PLAGL2: variants seen among roughly 807,000 people sequenced by gnomAD.
PLAGL2 encodes the protein zinc finger protein PLAGL2.
A neutral mutation model predicts 29.0 loss-of-function variants in PLAGL2; 7 were observed. That is an observed-to-expected ratio of 0.24 (90% CI 0.14 to 0.45). The LOEUF is 0.45. Ranked by LOEUF, PLAGL2 falls within the 20% of genes least tolerant of loss-of-function variation. The pLI is 0.99. For missense variants in PLAGL2, 454 were observed against 648.2 expected (o/e 0.70, Z 3.25); for synonymous variants, 234 against 266.0 (o/e 0.88, Z 1.17).
chr20:32,206,997 G>A, intron 1 of PLAGL2, among the ~76,000 whole-genome samples: 1 of 152,126 alleles, frequency 6.6e-6, no homozygotes, highest in Non-Finnish European at 1.5e-5. Flanking sequence ...AGGCTGGGGG[G>A]ATGGGGATAG....
Position 32,196,974 on chromosome 20 carries a change from C to T in PLAGL2, c.969G>A (p.Met323Ile), listed in dbSNP as rs2047232735. The change falls in exon 3 of 3, where the codon ATG becomes ATA. Residue 323 changes from methionine to isoleucine, a missense_variant. By Grantham distance (10) the Met-to-Ile change is conservative. This residue lies in a region of PLAGL2 where 247 missense variants were observed against 350.3 expected (regional missense o/e 0.71). Transcript: ENST00000246229. ...TAGGTGAGGATTCCAGAGGGTAGCT[C>T]ATACCCATGGGCAGCGTGTTGTGCA... The part of the protein sequence containing the change: ...SLVHNTLPMG[M>I]SYPLESSPIS... The T allele has an allele frequency of 1.9e-6, 3 of 1,614,222 alleles. No homozygotes were observed. The highest frequency in any genetic ancestry group is 2.5e-6 in the Non-Finnish European group (3 of 1,180,024).
In PLAGL2 at chr20:32,197,754, A is replaced by G; in HGVS notation, c.261-72T>C. ...ATCACAAGGGATGACTGGACAACCAAAGGTGTCCATTAACAGGAAACTAGA... is the reference window on the plus strand; with the variant it reads ...ATCACAAGGGATGACTGGACAACCAGAGGTGTCCATTAACAGGAAACTAGA... On this transcript the variant is annotated intron_variant, in intron 2 of 2. Coordinates refer to ENST00000246229, the MANE Select transcript of PLAGL2 (RefSeq NM_002657.3). This position sits in a 1 kb window ranked among gnomAD's most constrained non-coding sequence, Gnocchi z 6.6. The G allele has an allele frequency of 2.4e-6, 3 of 1,270,268 alleles. No homozygotes were observed. Among genetic ancestry groups the G allele is most frequent in the Non-Finnish European group, 3.3e-6 (3 of 899,130 alleles). The allele number at this position is 1,270,268 out of a possible 1,614,324, so 78.7% of individuals were successfully genotyped here.
chr20:32,207,312 G>A (rs1192421747), intron 1 of PLAGL2, among the ~76,000 whole-genome samples: 1 of 152,128 alleles, frequency 6.6e-6, no homozygotes, highest in African/African-American at 2.4e-5. Context: ...GGTAAGGTCA[G>A]CAGCGCCTTA....
At chr20:32,204,412 G>A (rs1348339520) in intron 1 of PLAGL2, among the ~76,000 whole-genome samples, 1 of 152,218 alleles carries the variant, frequency 6.6e-6, no homozygotes, top group Non-Finnish European at 1.5e-5. Context: ...TACTGAAAGA[G>A]TGAGTAATGG....
intron 1 of PLAGL2, among the ~76,000 whole-genome samples, chr20:32,203,072 T>C (rs531106124): frequency 2.6e-5 from 4 of 152,188 alleles, no homozygotes; most frequent in Non-Finnish European, 4.4e-5. Flanking sequence ...AGAGTACATA[T>C]GCACATCTCC....
chr20:32,196,095 G>C lies in PLAGL2; in HGVS notation c.*357C>G, dbSNP rs183165940. 2 of 166,392 alleles carry C rather than the reference G, an allele frequency of 1.2e-5. No homozygotes were observed. The highest frequency in any genetic ancestry group is 6.4e-5 in the Admixed American group (1 of 15,688). 10.3% of individuals were successfully genotyped at this position (166,392 alleles called of 1,614,324 possible). A position where few individuals can be genotyped will look rare whatever the true frequency, so the allele number is the denominator to read the frequency against. ...GCAATTTCTCTAGAGGTCATCCAAG[G>C]TGAAACCCTCTGTGTCTCCAAGAGG... On this transcript the variant is annotated 3_prime_UTR_variant, in exon 3 of 3. Transcript: ENST00000246229.
chr20:32,202,335 G>A, intron 1 of PLAGL2, 43 bp from the exon 2 acceptor site: 1 of 664,016 alleles, frequency 1.5e-6, no homozygotes, highest in Admixed American at 2.9e-5. Flanking sequence ...CCAATACCAT[G>A]AGAACATGGG....
chr20:32,206,143 CAA>C (rs2047285773), intron 1 of PLAGL2, among the ~76,000 whole-genome samples: 1 of 152,036 alleles, frequency 6.6e-6, no homozygotes, highest in Non-Finnish European at 1.5e-5. Flanking sequence ...AAAAACAAAA[CAA>C]AACAAAACAA....
chr20:32,203,431 T>G (rs2047269728), intron 1 of PLAGL2, among the ~76,000 whole-genome samples: 1 of 152,214 alleles, frequency 6.6e-6, no homozygotes, highest in Non-Finnish European at 1.5e-5. Context: ...GTTACCACAC[T>G]GACTCTCAAA....
chr20:32,201,202 T>C (rs1239313027), intron 2 of PLAGL2, among the ~76,000 whole-genome samples: 1 of 152,168 alleles, frequency 6.6e-6, no homozygotes, highest in African/African-American at 2.4e-5. Flanking sequence ...AAGGTCTACT[T>C]TTCCTTCTAA....
chr20:32,196,340 T>A lies in PLAGL2; in HGVS notation c.*112A>T. The stretch of plus-strand genomic sequence containing the variant: ...TCCTGTATACAGACACTGGAATTTT[T>A]TTTTTTGAACCCAGCTCTGAAAGCT... On this transcript the variant is annotated 3_prime_UTR_variant, in exon 3 of 3. Transcript: ENST00000246229. 1 of 789,832 alleles carries A rather than the reference T, an allele frequency of 1.3e-6. No homozygotes were observed. The allele number at this position is 789,832 out of a possible 1,614,324, so 48.9% of individuals were successfully genotyped here.
In PLAGL2 at chr20:32,196,763, C is replaced by T. The variant is rs781374748; in HGVS notation, c.1180G>A (p.Ala394Thr). 12 of 1,601,790 alleles carry T rather than the reference C, an allele frequency of 7.5e-6. No homozygotes were observed. Among genetic ancestry groups the T allele is most frequent in the Admixed American group, 1.7e-5 (1 of 59,340 alleles). Residue 394 changes from alanine (A) to threonine (T), a missense_variant, in exon 3 of 3, where the codon GCA (alanine) becomes ACA (threonine). Physicochemically the swap from Ala to Thr is moderately conservative, Grantham distance 58. Around this residue, in one of 4 missense-constraint regions of PLAGL2, gnomAD observed 247 missense variants for 350.3 expected, o/e 0.71. Transcript: ENST00000246229. ...PAAAAALLDE[A>T]LLAKSPANLS... ...TTGGCGGGGCTCTTGGCAAGCAGTG[C>T]TTCATCTAGGAGGGCCGCAGCTGCC...
intron 1 of PLAGL2, among the ~76,000 whole-genome samples, chr20:32,206,258 C>G (rs2047286620): frequency 6.6e-6 from 1 of 152,206 alleles, no homozygotes; most frequent in Non-Finnish European, 1.5e-5. Context: ...GCCCCCTTCC[C>G]CCCCGCCCAC....
chr20:32,197,446 T>G lies in PLAGL2; in HGVS notation c.497A>C (p.Glu166Ala). ...GTGCTCTAGCAGGGCCTGGGTACTC[T>G]CAAAGGTCTGCAGGCACACCTTGCA... ...LSCKVCLQTF[E>A]STQALLEHLK... The change falls in exon 3 of 3, where the codon GAG (glutamate) becomes GCG (alanine). Residue 166 changes from glutamate to alanine, a missense_variant. Physicochemically the swap from Glu to Ala is moderately radical, Grantham distance 107 (BLOSUM62 -1). This residue lies in a region of PLAGL2 where 111 missense variants were observed against 173.1 expected (regional missense o/e 0.64). Transcript: ENST00000246229. The surrounding 1 kb of genome is among the most constrained non-coding windows in gnomAD (Gnocchi z 6.6). 3.7e-6 allele frequency: 6 copies of G among 1,612,806 alleles called. No individual in the cohort carries two copies. The highest frequency in any genetic ancestry group is 4.2e-6 in the Non-Finnish European group (5 of 1,179,988).
rs901958314 is a variant in PLAGL2 at position 32,195,026 on chromosome 20, T to C, written c.*1426A>G. ...GAGTCAGAAGAAAAGAACTAATCAT[T>C]TGTTGCAAGAAACCTTGCCGGATAC... On this transcript the variant is annotated 3_prime_UTR_variant, in exon 3 of 3. Coordinates refer to ENST00000246229, the MANE Select transcript of PLAGL2 (RefSeq NM_002657.3). 1.3e-5 allele frequency: 2 copies of C among 150,558 alleles called. No homozygotes were observed. The highest frequency in any genetic ancestry group is 4.9e-5 in the African/African-American group (2 of 40,592). The allele number at this position is 150,558 out of a possible 1,614,324, so 9.3% of individuals were successfully genotyped here. A position where few individuals can be genotyped will look rare whatever the true frequency, so the allele number is the denominator to read the frequency against.
At chr20:32,198,943 A>C (rs1287264282) in intron 2 of PLAGL2, among the ~76,000 whole-genome samples, 1 of 152,198 alleles carries the variant, frequency 6.6e-6, no homozygotes, top group African/African-American at 2.4e-5. Flanking sequence ...ATGGTATGGC[A>C]CTTCAGTGTC....
chr20:32,206,501 A>G lies in PLAGL2; in HGVS notation c.-115+1140T>C, dbSNP rs2047288076. Among the ~76,000 whole-genome samples, 3 of 152,164 alleles carry G rather than the reference A, an allele frequency of 2.0e-5. No individual in the cohort carries two copies. In the South Asian group the frequency reaches 6.2e-4, roughly 31 times the overall value. On this transcript the variant is annotated intron_variant, in intron 1 of 2. Transcript: ENST00000246229. ...TGAACAAATGGCTGCAACTCATCAC[A>G]ACCCCATTTTCATGGGGAGAAAACG...
At chr20:32,199,049 CCACT>C (rs1341234657) in intron 2 of PLAGL2, among the ~76,000 whole-genome samples, 1 of 152,150 alleles carries the variant, frequency 6.6e-6, no homozygotes, top group Non-Finnish European at 1.5e-5. Flanking sequence ...AACTCAGCAC[CCACT>C]GTTTGCCAGG....
At chr20:32,207,743 TG>T, upstream of PLAGL2, 1 of 439,740 alleles carries the variant, frequency 2.3e-6, no homozygotes, top group African/African-American at 2.1e-5. Flanking sequence ...CGGTGCATTG[TG>T]GGAGCCGCGC....
Sources: allele counts gnomAD v4.1 joint callset (sites outside exome capture counted in the v4.1 genomes callset), GRCh38; gene constraint gnomAD v4.1.1; regional missense constraint gnomAD v4.1.1; non-coding constraint Gnocchi (gnomAD v3.1); transcripts MANE v1.5; gene names NCBI Gene and HGNC (gene_info 2026-07-23, HGNC 2026-07-21).